Variants in ERBB4 observed in about 807,000 individuals in gnomAD.
ERBB4 encodes erb-b2 receptor tyrosine kinase 4.
In ERBB4, 42 loss-of-function variants were observed where a neutral mutation model predicts 158.0. The observed-to-expected ratio is 0.27, with a 90% CI of 0.21 to 0.34. The LOEUF (loss-of-function observed/expected upper bound fraction) is 0.34, where lower values mean the gene tolerates loss of function less well. Ranked by LOEUF, ERBB4 falls within the 10% of genes least tolerant of loss-of-function variation. The probability of loss-of-function intolerance (pLI) is 1.00; values close to 1 mark genes in which losing one functional copy is unlikely to be tolerated. For synonymous variants in ERBB4, 583 were observed against 558.7 expected (o/e 1.04, Z -0.61); for missense variants, 1,333 against 1,624.1 (o/e 0.82, Z 3.08).
At chr2:212,263,866 C>CTAA (rs945690891) in intron 1 of ERBB4, among the ~76,000 whole-genome samples, 1 of 151,346 alleles carries the variant, frequency 6.6e-6, no homozygotes, top group Admixed American at 6.6e-5. Flanking sequence ...TTGCAAGATT[C>CTAA]TAATAATAAT....
At chr2:211,672,810 T>C (rs904194494) in intron 14 of ERBB4, among the ~76,000 whole-genome samples, 1 of 152,160 alleles carries the variant, frequency 6.6e-6, no homozygotes, top group African/African-American at 2.4e-5. Flanking sequence ...ACAGAATTAG[T>C]TTTTCCTTCA....
intron 4 of ERBB4, chr2:211,779,809 A>C (rs2075989640): frequency 1.3e-5 from 2 of 152,234 alleles, no homozygotes; most frequent in Non-Finnish European, 2.9e-5. Flanking sequence ...AACTGGTTTC[A>C]AGCCCATCCC....
chr2:211,490,802 A>G (rs990438630), intron 20 of ERBB4, among the ~76,000 whole-genome samples: 1 of 152,036 alleles, frequency 6.6e-6, no homozygotes, highest in Admixed American at 6.6e-5. Flanking sequence ...GTTCTATTAA[A>G]TAGAGTGGGG....
At chr2:212,172,210 G>T (rs953642902) in intron 1 of ERBB4, among the ~76,000 whole-genome samples, 6 of 152,120 alleles carry the variant, frequency 3.9e-5, no homozygotes, top group Non-Finnish European at 8.8e-5. Context: ...AAACTGTAAT[G>T]AGATACGATC....
intron 1 of ERBB4, among the ~76,000 whole-genome samples, chr2:212,374,488 T>A (rs2090251428): frequency 6.6e-6 from 1 of 151,706 alleles, no homozygotes; most frequent in Admixed American, 6.6e-5. Context: ...AAGCAAACGA[T>A]GTGTGTGTGT....
chr2:211,435,610 G>A (rs992137018), intron 20 of ERBB4, among the ~76,000 whole-genome samples: 4 of 152,172 alleles, frequency 2.6e-5, no homozygotes, highest in Non-Finnish European at 4.4e-5. Flanking sequence ...TCAGATTAGC[G>A]GCGGCAGCAT....
At chr2:211,656,443 G>A (rs937779370) in intron 16 of ERBB4, among the ~76,000 whole-genome samples, 1 of 152,136 alleles carries the variant, frequency 6.6e-6, no homozygotes, top group Non-Finnish European at 1.5e-5. Flanking sequence ...TACATAAGAT[G>A]GTAATGTTAT....
intron 1 of ERBB4, among the ~76,000 whole-genome samples, chr2:212,429,894 T>C (rs912798228): frequency 1.3e-5 from 2 of 152,218 alleles, no homozygotes; most frequent in African/African-American, 4.8e-5. Context: ...TTTGAATTAA[T>C]AGGTTCTTTT....
intron 3 of ERBB4, among the ~76,000 whole-genome samples, chr2:211,859,170 G>C (rs1396595217): frequency 1.3e-5 from 2 of 152,134 alleles, no homozygotes; most frequent in African/African-American, 4.8e-5. Flanking sequence ...TTCAATTTTA[G>C]CAATCAAAAC....
rs2062505194 is a variant in ERBB4 at position 211,377,889 on chromosome 2, T to A, written c.*5726A>T. The A allele has an allele frequency of 4.3e-6, 1 of 232,760 alleles. No individual in the cohort carries two copies. Among genetic ancestry groups the A allele is most frequent in the African/African-American group, 2.2e-5 (1 of 45,292 alleles). The allele number at this position is 232,760 out of a possible 1,614,324, so 14.4% of individuals were successfully genotyped here. ...AATTGATCTTCATGGGAAACCATAA[T>A]TTTAATAGCTTAAATATTCTCTATG... On this transcript the variant is annotated 3_prime_UTR_variant, in exon 28 of 28. Coordinates refer to ENST00000342788, the MANE Select transcript of ERBB4 (RefSeq NM_005235.3).
intron 1 of ERBB4, among the ~76,000 whole-genome samples, chr2:212,386,254 T>C (rs1366942436): frequency 6.6e-6 from 1 of 152,004 alleles, no homozygotes; most frequent in Non-Finnish European, 1.5e-5. Context: ...CCACACCTCT[T>C]TCCTAAATTC....
In ERBB4 at chr2:211,381,625, A is replaced by C. The variant is rs2062575136; in HGVS notation, c.*1990T>G. On this transcript the variant is annotated 3_prime_UTR_variant, in exon 28 of 28. Transcript: ENST00000342788. ...TCCATTTATCTGAGTGTTCCCCACA[A>C]AACATGGTGCTTTTAGTAGACACAG... 1 of 231,500 alleles carries C rather than the reference A, an allele frequency of 4.3e-6. No individual in the cohort carries two copies. The highest frequency in any genetic ancestry group is 1.8e-4 in the South Asian group (1 of 5,520). The allele number at this position is 231,500 out of a possible 1,614,324, so 14.3% of individuals were successfully genotyped here. A position where few individuals can be genotyped will look rare whatever the true frequency, so the allele number is the denominator to read the frequency against.
At chr2:211,746,690 C>T (rs1054392810) in intron 5 of ERBB4, among the ~76,000 whole-genome samples, 5 of 152,018 alleles carry the variant, frequency 3.3e-5, no homozygotes, top group Non-Finnish European at 7.4e-5. Flanking sequence ...ATTAGCCAGG[C>T]GTGGTGGCAC....
chr2:212,489,549 G>C (rs976798019), intron 1 of ERBB4, among the ~76,000 whole-genome samples: 1 of 151,716 alleles, frequency 6.6e-6, no homozygotes, highest in African/African-American at 2.4e-5. Flanking sequence ...GTATTTCTTT[G>C]GGTCATCAGA....
At chr2:211,476,924 AAG>A (rs2064968111) in intron 20 of ERBB4, among the ~76,000 whole-genome samples, 1 of 152,070 alleles carries the variant, frequency 6.6e-6, no homozygotes, top group South Asian at 2.1e-4. Flanking sequence ...GCAAAGGAAA[AAG>A]AGTGCAGGGA....
intron 16 of ERBB4, among the ~76,000 whole-genome samples, chr2:211,634,860 T>A (rs1025204636): frequency 5.3e-5 from 8 of 151,994 alleles, no homozygotes; most frequent in African/African-American, 1.9e-4. Context: ...GTAATTTTAG[T>A]AGAGATGGGG....
intron 20 of ERBB4, among the ~76,000 whole-genome samples, chr2:211,525,660 G>A (rs2066326578): frequency 6.6e-6 from 1 of 152,104 alleles, no homozygotes; most frequent in South Asian, 2.1e-4. Flanking sequence ...CCAATTTTAG[G>A]CCTTGGTTCT....
intron 2 of ERBB4, among the ~76,000 whole-genome samples, chr2:211,992,358 C>T (rs2082093606): frequency 1.3e-5 from 2 of 152,014 alleles, no homozygotes; most frequent in Admixed American, 1.3e-4. Context: ...CATCAGATCT[C>T]ATGAGACTTA....
intron 1 of ERBB4, among the ~76,000 whole-genome samples, chr2:212,262,155 T>C (rs1410208128): frequency 1.3e-5 from 2 of 152,144 alleles, no homozygotes; most frequent in East Asian, 3.8e-4. Flanking sequence ...TCATTTTCTA[T>C]AGGGAGAATA....
Sources: gnomAD v4.1 joint callset for allele counts (sites outside exome capture counted in the v4.1 genomes callset) on GRCh38, gnomAD v4.1.1 for gene constraint, MANE v1.5 for transcripts, NCBI Gene and HGNC (gene_info 2026-07-23, HGNC 2026-07-21) for gene names.